Variants in GYG2 observed in about 807,000 individuals in gnomAD.
GYG2 encodes glycogenin 2.
Under a neutral mutation model 29.4 loss-of-function variants are expected in GYG2, and 29 were observed. The observed-to-expected ratio is 0.99, with a 90% CI of 0.74 to 1.35. The LOEUF is 1.35. Among genes scored for constraint, GYG2 ranks in the 40% most tolerant of loss-of-function variants. The pLI is 0.00. For missense variants in GYG2, 370 were observed against 385.7 expected (o/e 0.96, Z 0.34); for synonymous variants, 167 against 172.3 (o/e 0.97, Z 0.24).
intron 3 of GYG2, among the ~76,000 whole-genome samples, chrX:2,844,870 G>A (rs1436383475): frequency 3.6e-4 from 39 of 107,018 alleles, no homozygotes; most frequent in African/African-American, 1.2e-3. Context: ...GTACAGGTAT[G>A]CGTATATACA....
intron 2 of GYG2, among the ~76,000 whole-genome samples, chrX:2,834,054 T>C (rs1390581089): frequency 1.8e-5 from 2 of 112,464 alleles, no homozygotes; most frequent in Admixed American, 9.4e-5. Flanking sequence ...CATCTCTTCC[T>C]GTGGGTCCTT....
intron 8 of GYG2, among the ~76,000 whole-genome samples, chrX:2,872,662 T>C (rs1283533296): frequency 8.9e-6 from 1 of 112,603 alleles, no homozygotes; most frequent in Non-Finnish European, 1.9e-5. Flanking sequence ...AACTTATTTA[T>C]GTGTTTATCG....
chrX:2,832,849 A>T (rs1223326008), intron 2 of GYG2, among the ~76,000 whole-genome samples: 2 of 112,160 alleles, frequency 1.8e-5, no homozygotes, highest in Admixed American at 1.9e-4. Flanking sequence ...CTCCTTTCTT[A>T]TAAGGACACC....
At chrX:2,849,826 C>T (rs892224174) in intron 3 of GYG2, among the ~76,000 whole-genome samples, 1 of 111,809 alleles carries the variant, frequency 8.9e-6, no homozygotes, top group South Asian at 3.7e-4. Flanking sequence ...CCAAGAAAGG[C>T]GAGAGTAGCC....
chrX:2,853,954 C>T (rs367902688), intron 3 of GYG2, 26 bp from the exon 4 acceptor site: 1 of 1,128,368 alleles, frequency 8.9e-7, no homozygotes, highest in African/African-American at 1.8e-5. Context: ...CCCGCTGTCC[C>T]ACTATTTGGC....
At chrX:2,856,118 T>C (rs983999397) in intron 5 of GYG2, among the ~76,000 whole-genome samples, 1 of 111,684 alleles carries the variant, frequency 9.0e-6, no homozygotes, top group Admixed American at 9.6e-5. Flanking sequence ...AAGAAAATAC[T>C]GGAGCAGTGA....
chrX:2,878,184 A>C (rs1439960281), intron 10 of GYG2: 1 of 744,864 alleles, frequency 1.3e-6, no homozygotes, highest in East Asian at 1.5e-4. Flanking sequence ...AGTGAGTGAC[A>C]GGGCATCAGT....
chrX:2,881,099 G>A lies in GYG2; in HGVS notation c.1299G>A (p.Val433=), dbSNP rs758594897. 1 of 1,209,006 alleles carries A rather than the reference G, an allele frequency of 8.3e-7. No homozygotes were observed. Among genetic ancestry groups the A allele is most frequent in the Non-Finnish European group, 1.1e-6 (1 of 893,590 alleles). ...CCCAGATCTCCATCGAAGAGAAGGT[G>A]AAGGAATTGAGCCCCGAGGAAGAGA... ...SVSQISIEEK[V]KELSPEEERR... Residue 433 remains valine (V), a synonymous_variant, in exon 11 of 11, where the codon GTG becomes GTA. Transcript: ENST00000398806.
rs2088719704 is a variant in GYG2, at chrX:2,881,475, G to A, written c.*262G>A. On this transcript the variant is annotated 3_prime_UTR_variant, in exon 11 of 11. Transcript: ENST00000398806. Reference sequence around the variant, plus strand: ...TACCCTTGAAGCTGTCGGCAAAAGCGAGCAGTAATAACATTCTAGTAGACT... The same window carrying A: ...TACCCTTGAAGCTGTCGGCAAAAGCAAGCAGTAATAACATTCTAGTAGACT... 6.8e-6 allele frequency: 2 copies of A among 292,198 alleles called. No homozygotes were observed. Among genetic ancestry groups the A allele is most frequent in the Non-Finnish European group, 1.2e-5 (2 of 169,170 alleles). The allele number at this position is 292,198 out of a possible 1,213,427, so 24.1% of individuals were successfully genotyped here. A position where few individuals can be genotyped will look rare whatever the true frequency, so the allele number is the denominator to read the frequency against.
chrX:2,866,360 C>T (rs923150867), intron 8 of GYG2, among the ~76,000 whole-genome samples: 6 of 111,203 alleles, frequency 5.4e-5, no homozygotes, highest in East Asian at 2.8e-4. Flanking sequence ...GCTGGGTGTG[C>T]GGTACTTGCC....
At chrX:2,879,709 ATAGG>A (rs1165689885) in intron 10 of GYG2, among the ~76,000 whole-genome samples, 1 of 112,525 alleles carries the variant, frequency 8.9e-6, no homozygotes, top group East Asian at 2.8e-4. Context: ...TAGATGATAG[ATAGG>A]TAGATAGGTA....
intron 2 of GYG2, among the ~76,000 whole-genome samples, chrX:2,840,204 C>T (rs1463584942): frequency 8.9e-6 from 1 of 111,913 alleles, no homozygotes; most frequent in Admixed American, 9.6e-5. Context: ...CTTCCACACT[C>T]TTTCAAGATA....
intron 3 of GYG2, among the ~76,000 whole-genome samples, chrX:2,843,626 C>G (rs1014137373): frequency 9.0e-6 from 1 of 111,683 alleles, no homozygotes; most frequent in Non-Finnish European, 1.9e-5. Context: ...AAATTCAATT[C>G]TTTTTTGTTT....
chrX:2,833,230 C>CTG (rs746508931), intron 2 of GYG2, among the ~76,000 whole-genome samples: 2 of 110,041 alleles, frequency 1.8e-5, no homozygotes, highest in Non-Finnish European at 3.8e-5. Flanking sequence ...GGTCATCCTT[C>CTG]TGTGTGTGTG....
intron 2 of GYG2, among the ~76,000 whole-genome samples, chrX:2,841,749 G>A (rs1473248816): frequency 2.7e-5 from 3 of 111,631 alleles, no homozygotes; most frequent in Non-Finnish European, 3.8e-5. Flanking sequence ...TGCTGCTTCC[G>A]GGAAAGGCGC....
rs374613941 is a variant in GYG2, at chrX:2,881,249, A to G, written c.*36A>G. 9.0e-6 allele frequency: 10 copies of G among 1,107,550 alleles called. 1 individual carries two copies. The South Asian group carries it at 1.7e-4, about 19-fold the overall frequency. 91.3% of individuals were successfully genotyped at this position (1,107,550 alleles called of 1,213,427 possible). A position where few individuals can be genotyped will look rare whatever the true frequency, so the allele number is the denominator to read the frequency against. ...GGTGGGCGTTGTGTGTAGTTAGACA[A>G]TGTCCTGTTGGGTGGTCCTGTTGCG... is the stretch of plus-strand genomic sequence containing the variant. On this transcript the variant is annotated 3_prime_UTR_variant, in exon 11 of 11. Transcript: ENST00000398806.
rs2087927113 is a variant in GYG2 at position 2,854,148 on chromosome X, C to T, written c.318C>T (p.Asp106=). The change falls in exon 4 of 11, where the codon GAC becomes GAT. Residue 106 remains aspartate (D), a synonymous_variant. Transcript: ENST00000398806. ...GCAAGTGTGTCTTCCTGGATGCAGA[C>T]ACTCTGGTGAGTGAAGACTCTCTGC... The part of the protein sequence containing the change: ...HYSKCVFLDA[D]TLVLSNVDEL... The T allele has an allele frequency of 3.5e-5, 41 of 1,173,934 alleles. No individual in the cohort carries two copies. Among genetic ancestry groups the T allele is most frequent in the Non-Finnish European group, 4.5e-5 (39 of 869,229 alleles).
chrX:2,834,096 A>G (rs1036137429), intron 2 of GYG2, among the ~76,000 whole-genome samples: 39 of 112,446 alleles, frequency 3.5e-4, no homozygotes, highest in Non-Finnish European at 1.9e-4. Context: ...CGCTGTGAGG[A>G]ATGCAGGATG....
intron 8 of GYG2, among the ~76,000 whole-genome samples, chrX:2,875,474 T>C (rs1157365971): frequency 1.8e-5 from 2 of 109,659 alleles, no homozygotes; most frequent in African/African-American, 6.6e-5. Context: ...AGGAATATCT[T>C]ATTCCTCTCG....
Sources: gnomAD v4.1 joint callset for allele counts (sites outside exome capture counted in the v4.1 genomes callset) on GRCh38, gnomAD v4.1.1 for gene constraint, MANE v1.5 for transcripts, NCBI Gene and HGNC (gene_info 2026-07-23, HGNC 2026-07-21) for gene names.